PSD3: variants seen among roughly 807,000 people sequenced by gnomAD.
PSD3 encodes the protein PH and SEC7 domain-containing protein 3.
A neutral mutation model predicts 105.5 loss-of-function variants in PSD3; 49 were observed. The observed-to-expected ratio is 0.46, with a 90% confidence interval of 0.37 to 0.59. The LOEUF (loss-of-function observed/expected upper bound fraction) is 0.59. Ranked by LOEUF, PSD3 falls within the 20% of genes least tolerant of loss-of-function variation. PSD3 has a pLI of 0.00. For missense variants in PSD3, 1,561 were observed against 1,263.8 expected, an observed-to-expected ratio of 1.24 and a Z score of -3.57; for synonymous variants, 557 against 457.8, an observed-to-expected ratio of 1.22 and a Z score of -2.77.
chr8:18,984,192 A>AAATAATAAT (rs59486224), intron 1 of PSD3, among the ~76,000 whole-genome samples: 2,503 of 146,400 alleles, frequency 0.017, 19 homozygotes, highest in Admixed American at 0.027. Context: ...CCTTCAATTA[A>AAATAATAAT]AATAATAATA....
intron 1 of PSD3, among the ~76,000 whole-genome samples, chr8:19,025,583 G>A (rs1827519997): frequency 6.6e-6 from 1 of 152,150 alleles, no homozygotes; most frequent in Admixed American, 6.5e-5. Context: ...GCCATCATTT[G>A]GGGTTACCTC....
chr8:19,052,677 G>C (rs1001081294), intron 1 of PSD3, among the ~76,000 whole-genome samples: 2 of 152,104 alleles, frequency 1.3e-5, no homozygotes, highest in Non-Finnish European at 2.9e-5. Context: ...TGGGAAAGGA[G>C]TTCGGTAATA....
chr8:18,638,154 CAA>C (rs34328764), intron 10 of PSD3, among the ~76,000 whole-genome samples: 67 of 72,248 alleles, frequency 9.3e-4, no homozygotes, highest in South Asian at 4.0e-3. Context: ...GATTCCATCT[CAA>C]AAAAAAAAAA....
chr8:18,631,778 A>G (rs1249413627), intron 11 of PSD3, among the ~76,000 whole-genome samples: 1 of 151,940 alleles, frequency 6.6e-6, no homozygotes, highest in Non-Finnish European at 1.5e-5. Context: ...AAGCCACCCC[A>G]CTGCAATGTT....
chr8:18,616,329 G>C (rs530281210), intron 11 of PSD3, among the ~76,000 whole-genome samples: 1 of 152,318 alleles, frequency 6.6e-6, no homozygotes, highest in South Asian at 2.1e-4. Context: ...ATATTTTTGA[G>C]ATGGCCTTTC....
chr8:18,568,766 T>C (rs1218236157), intron 14 of PSD3, among the ~76,000 whole-genome samples: 1 of 152,060 alleles, frequency 6.6e-6, no homozygotes, highest in Non-Finnish European at 1.5e-5. Flanking sequence ...GCAGGTTAGT[T>C]ACATACGTAT....
intron 10 of PSD3, among the ~76,000 whole-genome samples, chr8:18,637,486 A>G (rs1807344441): frequency 6.6e-6 from 1 of 152,096 alleles, no homozygotes; most frequent in East Asian, 1.9e-4. Context: ...CCTCTCTCCC[A>G]TCGATTCCTG....
intron 8 of PSD3, among the ~76,000 whole-genome samples, chr8:18,766,070 A>T (rs1346052487): frequency 6.6e-6 from 1 of 152,118 alleles, no homozygotes; most frequent in Non-Finnish European, 1.5e-5. Flanking sequence ...CTCCTGACTC[A>T]TGTCTGTAAT....
At chr8:18,554,993 G>A (rs947344147) in intron 15 of PSD3, among the ~76,000 whole-genome samples, 1 of 152,030 alleles carries the variant, frequency 6.6e-6, no homozygotes, top group Non-Finnish European at 1.5e-5. Flanking sequence ...TGGGAAAGAC[G>A]GACGTTGTGG....
At chr8:18,824,944 A>G (rs1401169476) in intron 4 of PSD3, among the ~76,000 whole-genome samples, 4 of 152,210 alleles carry the variant, frequency 2.6e-5, no homozygotes, top group Non-Finnish European at 4.4e-5. Context: ...ACAGTATTCT[A>G]TAAAACCCTA....
chr8:18,834,759 G>A (rs543819936), intron 4 of PSD3, among the ~76,000 whole-genome samples: 18 of 152,288 alleles, frequency 1.2e-4, no homozygotes, highest in African/African-American at 4.3e-4. Context: ...AGTAGAGATG[G>A]CAGAGAGAAG....
intron 1 of PSD3, among the ~76,000 whole-genome samples, chr8:18,965,732 G>A (rs932278130): frequency 2.6e-5 from 4 of 152,218 alleles, no homozygotes; most frequent in African/African-American, 9.6e-5. Context: ...GAAAACATGT[G>A]AAGCCAACAG....
At chr8:19,041,338 G>T (rs1393385922) in intron 1 of PSD3, among the ~76,000 whole-genome samples, 1 of 152,148 alleles carries the variant, frequency 6.6e-6, no homozygotes, top group East Asian at 1.9e-4. Flanking sequence ...CCTATCTATG[G>T]GAGTGCCATA....
intron 1 of PSD3, among the ~76,000 whole-genome samples, chr8:18,959,376 G>C (rs1169210034): frequency 6.6e-6 from 1 of 152,064 alleles, no homozygotes; most frequent in Non-Finnish European, 1.5e-5. Context: ...CCATTCTCCA[G>C]CACTACTGGA....
chr8:18,727,334 CAA>C (rs11300334), intron 9 of PSD3, among the ~76,000 whole-genome samples: 333 of 55,784 alleles, frequency 6.0e-3, no homozygotes, highest in East Asian at 8.0e-3. Flanking sequence ...GACTGTGTCT[CAA>C]AAAAAAAAAA....
chr8:19,004,751 G>A (rs1826570776), intron 1 of PSD3, among the ~76,000 whole-genome samples: 2 of 152,014 alleles, frequency 1.3e-5, no homozygotes, highest in Admixed American at 6.6e-5. Context: ...TGAGGAAGCC[G>A]GTGGAAGGTA....
intron 4 of PSD3, among the ~76,000 whole-genome samples, chr8:18,844,466 G>C (rs536078853): frequency 2.8e-4 from 43 of 152,168 alleles, no homozygotes; most frequent in African/African-American, 9.9e-4. Context: ...ACAACTTAAA[G>C]TAGACTTTAT....
At chr8:18,584,511 T>G (rs1803022216) in intron 12 of PSD3, among the ~76,000 whole-genome samples, 1 of 152,196 alleles carries the variant, frequency 6.6e-6, no homozygotes, top group African/African-American at 2.4e-5. Flanking sequence ...CTTTTCAATT[T>G]AAAAAATGGG....
chr8:18,765,312 G>T, intron 9 of PSD3, 137 bp downstream of exon 9: 1 of 713,312 alleles, frequency 1.4e-6, no homozygotes, highest in South Asian at 1.8e-5. Flanking sequence ...CAAGGACAAG[G>T]CTTAAAAGAA....
Sources: allele counts gnomAD v4.1 joint callset (sites outside exome capture counted in the v4.1 genomes callset), GRCh38; gene constraint gnomAD v4.1.1; transcripts MANE v1.5; gene names NCBI Gene and HGNC (gene_info 2026-07-23, HGNC 2026-07-21).